The following LONP1 variants were observed in gnomAD, a reference collection of about 807,000 sequenced individuals.
The protein encoded by LONP1 is lon protease homolog, mitochondrial.
A neutral mutation model predicts 98.5 loss-of-function variants in LONP1; 31 were observed. The ratio of observed to expected loss-of-function variants is 0.31; its 90% confidence interval spans 0.24 to 0.42. The LOEUF (loss-of-function observed/expected upper bound fraction) is 0.42, where lower values mean the gene tolerates loss of function less well. LONP1 is among the 20% of genes least tolerant of loss of function. The pLI is 1.00. For missense variants in LONP1, 1,336 were observed against 1,350.6 expected, an observed-to-expected ratio of 0.99 and a Z score of 0.17; for synonymous variants, 781 against 594.7, an observed-to-expected ratio of 1.31 and a Z score of -4.56.
chr19:5,696,068 G>C lies in LONP1; in HGVS notation c.1999C>G (p.Leu667Val). The C allele has an allele frequency of 6.2e-7, 1 of 1,612,604 alleles. No homozygotes were observed. The highest frequency in any genetic ancestry group is 8.5e-7 in the Non-Finnish European group (1 of 1,179,858). The change falls in exon 13 of 18, where the codon CTG (leucine) becomes GTG (valine). Residue 667 changes from leucine (L) to valine (V), a missense_variant. Leu to Val is a conservative substitution (Grantham distance 32). Coordinates refer to ENST00000360614, the MANE Select transcript of LONP1 (RefSeq NM_004793.4). ...NVSGYVAQEK[L>V]AIAERYLVPQ... The stretch of plus-strand genomic sequence containing the variant: ...GCTGGGCTTACCTCCGCAATGGCCA[G>C]CTTCTCCTGGGCCACGTAGCCCGAC...
intron 4 of LONP1, among the ~76,000 whole-genome samples, chr19:5,709,138 C>T (rs533385761): frequency 1.3e-5 from 2 of 151,672 alleles, no homozygotes; most frequent in African/African-American, 2.4e-5. Context: ...GCTCATTTTC[C>T]GGAGTAGCTG....
At position 5,719,970 on chromosome 19, in the gene LONP1, A is replaced by T. The variant is rs751453098; in HGVS notation, c.163T>A (p.Trp55Arg). 4.4e-5 allele frequency: 69 copies of T among 1,580,290 alleles called. No individual in the cohort carries two copies. In the African/African-American group the frequency reaches 8.8e-4, roughly 20 times the overall value. Residue 55 changes from tryptophan to arginine, a missense_variant, in exon 1 of 18, where the codon TGG becomes AGG. By Grantham distance (101) the Trp-to-Arg change is moderately radical. Transcript: ENST00000360614. ...CCCCCAATTGCCGGGCCTCGGCCCC[A>T]CAGTGCCCAAGGAGGAGAGGCGTCG... The part of the protein sequence containing the change: ...TCDASPPWAL[W>R]GRGPAIGGQW...
intron 1 of LONP1, among the ~76,000 whole-genome samples, chr19:5,716,252 A>AT (rs2055316172): frequency 9.6e-6 from 1 of 104,356 alleles, no homozygotes. Flanking sequence ...AATAAAGTTA[A>AT]AATATACATA....
At chr19:5,713,665 G>A (rs1028729087) in intron 2 of LONP1, among the ~76,000 whole-genome samples, 2 of 152,164 alleles carry the variant, frequency 1.3e-5, no homozygotes, top group African/African-American at 2.4e-5. Context: ...AGGTTCAACC[G>A]ATTCTCCTTC....
At chr19:5,706,286 G>A (rs920680389) in intron 7 of LONP1, among the ~76,000 whole-genome samples, 2 of 152,050 alleles carry the variant, frequency 1.3e-5, no homozygotes, top group African/African-American at 4.8e-5. Context: ...ACAGGCACCT[G>A]CCACACCTGG....
At chr19:5,715,046 CAAAAAAAAAAAAA>C (rs5826897) in intron 1 of LONP1, 5 of 63,556 alleles carry the variant, frequency 7.9e-5, no homozygotes, top group South Asian at 6.4e-4. Context: ...AACGCCTAAA[CAAAAAAAAAAAAA>C]AAAAAAAAAA....
In LONP1 at chr19:5,692,021, C is replaced by G. The variant is rs370826163; in HGVS notation, c.*11G>C. 4 of 1,607,826 alleles carry G rather than the reference C, an allele frequency of 2.5e-6. No individual in the cohort carries two copies. Among genetic ancestry groups the G allele is most frequent in the Non-Finnish European group, 3.4e-6 (4 of 1,176,516 alleles). The stretch of plus-strand genomic sequence containing the variant: ...GCCTGACATCCGCCGCCTGCAGTCC[C>G]GGGGTGGCCGTCACCGTTCCACGGC... On this transcript the variant is annotated 3_prime_UTR_variant, in exon 18 of 18. Transcript: ENST00000360614.
Position 5,719,945 on chromosome 19 carries a change from C to T in LONP1, c.188G>A (p.Gly63Asp). Residue 63 changes from glycine (G) to aspartate (D), a missense_variant, in exon 1 of 18, where the codon GGC (glycine) becomes GAC (aspartate). Gly to Asp is a moderately conservative substitution (Grantham distance 94, BLOSUM62 -1). This residue lies in a region of LONP1 where 457 missense variants were observed against 403.1 expected (regional missense o/e 1.13). Coordinates refer to ENST00000360614, the MANE Select transcript of LONP1 (RefSeq NM_004793.4). ...CGCTTCCCAAAACCCCCGCCATTGG[C>T]CCCCAATTGCCGGGCCTCGGCCCCA... Reference protein sequence around the residue: ...ALWGRGPAIGGQWRGFWEASS... With the variant: ...ALWGRGPAIGDQWRGFWEASS... 6.4e-7 allele frequency: 1 copy of T among 1,565,664 alleles called. No individual in the cohort carries two copies. Among genetic ancestry groups the T allele is most frequent in the Non-Finnish European group, 8.6e-7 (1 of 1,157,372 alleles).
rs1490295145 is a variant in LONP1, at chr19:5,692,815, TG to T, written c.2703+482del. On this transcript the variant is annotated intron_variant, in intron 17 of 17. Coordinates refer to ENST00000360614, the MANE Select transcript of LONP1 (RefSeq NM_004793.4). ...CCACTTGACCATGCCTCCCTCGTGG[TG>T]GCATCTCCTGACTGACTGCACCAGG... 7.2e-5 allele frequency among the ~76,000 whole-genome samples: 11 copies of T among 152,270 alleles called. No homozygotes were observed. The East Asian group carries it at 1.5e-3, about 21-fold the overall frequency.
intron 8 of LONP1, among the ~76,000 whole-genome samples, chr19:5,703,014 T>TAAA (rs75284257): frequency 8.9e-6 from 1 of 112,340 alleles, no homozygotes. Context: ...GAATGATCAA[T>TAAA]AAAAAAAAAA....
upstream of LONP1, chr19:5,720,382 G>A (rs919588374): frequency 1.6e-6 from 1 of 608,850 alleles, no homozygotes; most frequent in Non-Finnish European, 2.7e-6. Flanking sequence ...AGGCGCCAGC[G>A]CCCGTACAAA....
intron 11 of LONP1, 43 bp downstream of exon 11, chr19:5,696,627 G>A (rs199854352): frequency 5.5e-5 from 83 of 1,507,590 alleles, no homozygotes; most frequent in East Asian, 4.0e-4. Context: ...TCTTGCACAC[G>A]GCATTGCCGG....
intron 8 of LONP1, among the ~76,000 whole-genome samples, chr19:5,702,780 G>A (rs866021619): frequency 2.0e-4 from 31 of 151,326 alleles, no homozygotes; most frequent in South Asian, 4.2e-4. Context: ...GATTAAGGGC[G>A]GTGCAAGATG....
Position 5,707,157 on chromosome 19 carries a change from G to C in LONP1, c.1063-14C>G. The C allele has an allele frequency of 6.2e-7, 1 of 1,610,706 alleles. No homozygotes were observed. The highest frequency in any genetic ancestry group is 8.5e-7 in the Non-Finnish European group (1 of 1,178,124). On this transcript the variant is annotated splice_polypyrimidine_tract_variant and intron_variant, in intron 6 of 17. Transcript: ENST00000360614. ...CCGCTTAGGAATCTGCCGAGACAGG[G>C]AGGACAGAAAGGATGAGCAGAAGTC...
At chr19:5,697,145 G>A (rs1274613693) in intron 10 of LONP1, among the ~76,000 whole-genome samples, 3 of 152,112 alleles carry the variant, frequency 2.0e-5, no homozygotes, top group Non-Finnish European at 4.4e-5. Flanking sequence ...TCTCAGGAGG[G>A]CTTCCTGCAA....
At chr19:5,693,511 G>A (rs778068971) in intron 16 of LONP1, 41 bp downstream of exon 16, 2 of 1,612,508 alleles carry the variant, frequency 1.2e-6, no homozygotes, top group East Asian at 4.5e-5. Flanking sequence ...CAGCAGCCCA[G>A]GGACTGGGCG....
chr19:5,692,024 G>T lies in LONP1; in HGVS notation c.*8C>A. On this transcript the variant is annotated 3_prime_UTR_variant, in exon 18 of 18. Transcript: ENST00000360614. ...TGACATCCGCCGCCTGCAGTCCCGG[G>T]GTGGCCGTCACCGTTCCACGGCCAG... 2 of 1,609,800 alleles carry T rather than the reference G, an allele frequency of 1.2e-6. No homozygotes were observed.
rs1328232269 is a variant in LONP1, at chr19:5,703,557, G to A, written c.1367+2215C>T. 2.6e-5 allele frequency among the ~76,000 whole-genome samples: 4 copies of A among 151,932 alleles called. No individual in the cohort carries two copies. The South Asian group carries it at 6.2e-4, about 24-fold the overall frequency. On this transcript the variant is annotated intron_variant, in intron 8 of 17. Coordinates refer to ENST00000360614, the MANE Select transcript of LONP1 (RefSeq NM_004793.4). ...GATTGGGGAAGAGGATGAAGAGGAG[G>A]ACGGCTTCCGAGGAAGGGCCAGGCG... is the stretch of plus-strand genomic sequence containing the variant.
chr19:5,711,674 A>C, intron 4 of LONP1, 97 bp downstream of exon 4: 1 of 977,238 alleles, frequency 1.0e-6, no homozygotes, highest in Non-Finnish European at 1.6e-6. Flanking sequence ...TAAGGGGCTC[A>C]GGGTGGGAGA....
Sources: allele counts gnomAD v4.1 joint callset (sites outside exome capture counted in the v4.1 genomes callset), GRCh38; gene constraint gnomAD v4.1.1; regional missense constraint gnomAD v4.1.1; transcripts MANE v1.5; gene names NCBI Gene and HGNC (gene_info 2026-07-23, HGNC 2026-07-21).